PRKG1: variants seen among roughly 807,000 people sequenced by gnomAD.
The protein encoded by PRKG1 is protein kinase cGMP-dependent 1.
Under a neutral mutation model 88.1 loss-of-function variants are expected in PRKG1, and 35 were observed. The ratio of observed to expected loss-of-function variants is 0.40; its 90% CI spans 0.30 to 0.53. The LOEUF is 0.53. Among genes scored for constraint, PRKG1 ranks in the 20% least tolerant of loss-of-function variants. PRKG1 has a pLI of 0.59. For synonymous variants in PRKG1, 303 were observed against 292.5 expected (o/e 1.04, Z -0.37); for missense variants, 540 against 839.8 (o/e 0.64, Z 4.41).
intron 3 of PRKG1, among the ~76,000 whole-genome samples, chr10:51,653,419 A>G (rs1244163286): frequency 1.3e-5 from 2 of 152,150 alleles, no homozygotes; most frequent in African/African-American, 4.8e-5. Flanking sequence ...GTGGGAGGTA[A>G]TATCACATTG....
intron 5 of PRKG1, among the ~76,000 whole-genome samples, chr10:51,970,485 A>T (rs1159601878): frequency 6.6e-6 from 1 of 151,452 alleles, no homozygotes; most frequent in Non-Finnish European, 1.5e-5. Context: ...TTGTTTTATA[A>T]GAAATTTCGA....
chr10:51,447,567 C>T (rs755352213), intron 2 of PRKG1, among the ~76,000 whole-genome samples: 6 of 152,036 alleles, frequency 3.9e-5, no homozygotes, highest in African/African-American at 7.2e-5. Flanking sequence ...CATCCTATTT[C>T]CTTAACTTTA....
chr10:51,751,340 C>T (rs577442311), intron 3 of PRKG1, among the ~76,000 whole-genome samples: 5 of 152,214 alleles, frequency 3.3e-5, no homozygotes, highest in South Asian at 2.1e-4. Context: ...CAGGTTCAAG[C>T]GATTATCATG....
Position 51,154,005 on chromosome 10 carries a change from T to C in PRKG1, c.478+675T>C, listed in dbSNP as rs575780143. On this transcript the variant is annotated intron_variant, in intron 2 of 17. Transcript: ENST00000373980. ...TTTCTTTTGTGGGAAGAAAGTAGCT[T>C]GAGATAATGACTGAATCAGCTTGGA... 3.9e-5 allele frequency among the ~76,000 whole-genome samples: 6 copies of C among 152,124 alleles called. No individual in the cohort carries two copies. In the East Asian group the frequency reaches 1.2e-3, roughly 29 times the overall value.
intron 3 of PRKG1, among the ~76,000 whole-genome samples, chr10:51,534,694 AG>A (rs1564538678): frequency 6.6e-6 from 1 of 151,704 alleles, no homozygotes; most frequent in Non-Finnish European, 1.5e-5. Context: ...AAAGAAAGAA[AG>A]GCAGTTCTGC....
At chr10:52,156,850 A>AT (rs1338035004) in intron 8 of PRKG1, among the ~76,000 whole-genome samples, 3 of 151,708 alleles carry the variant, frequency 2.0e-5, no homozygotes, top group Admixed American at 6.6e-5. Flanking sequence ...TTAAATAAAT[A>AT]TTTTTTTAAA....
chr10:51,608,924 C>T (rs1247438131), intron 3 of PRKG1, among the ~76,000 whole-genome samples: 1 of 151,878 alleles, frequency 6.6e-6, no homozygotes. Context: ...TAAGAAAAAG[C>T]TTATGGAATA....
chr10:51,870,084 TA>T (rs994791543), intron 4 of PRKG1, among the ~76,000 whole-genome samples: 30 of 152,148 alleles, frequency 2.0e-4, no homozygotes, highest in Admixed American at 8.5e-4. Flanking sequence ...TTTCCAAGTT[TA>T]AAAAAAAGTC....
chr10:51,792,483 A>G (rs1382714918), intron 3 of PRKG1, among the ~76,000 whole-genome samples: 3 of 152,086 alleles, frequency 2.0e-5, no homozygotes, highest in Non-Finnish European at 4.4e-5. Flanking sequence ...CTGAGTTTCC[A>G]TAGATTTTCA....
chr10:51,294,411 T>C (rs1473592795), intron 2 of PRKG1, among the ~76,000 whole-genome samples: 2 of 152,194 alleles, frequency 1.3e-5, no homozygotes, highest in Admixed American at 6.5e-5. Flanking sequence ...TAAGTTGAGT[T>C]CAATTTCATT....
intron 3 of PRKG1, among the ~76,000 whole-genome samples, chr10:51,718,880 C>T (rs931412124): frequency 3.3e-5 from 5 of 151,086 alleles, no homozygotes; most frequent in South Asian, 2.1e-4. Flanking sequence ...GGTGTGGTGG[C>T]TCATGCCTGT....
chr10:52,256,747 G>T (rs1228317623), intron 10 of PRKG1, among the ~76,000 whole-genome samples: 1 of 139,688 alleles, frequency 7.2e-6, no homozygotes, highest in African/African-American at 2.5e-5. Flanking sequence ...AGGCCTGAGA[G>T]TGCAACCATT....
chr10:51,581,398 T>C (rs1838030858), intron 3 of PRKG1, among the ~76,000 whole-genome samples: 1 of 152,078 alleles, frequency 6.6e-6, no homozygotes, highest in Non-Finnish European at 1.5e-5. Flanking sequence ...GAAGGGAGTA[T>C]GCCCTAACCC....
At chr10:51,036,541 G>A (rs1745087751) in intron 1 of PRKG1, among the ~76,000 whole-genome samples, 3 of 151,932 alleles carry the variant, frequency 2.0e-5, no homozygotes, top group Non-Finnish European at 1.5e-5. Context: ...ATCTGGGAAG[G>A]GGAGTGAAAA....
intron 8 of PRKG1, among the ~76,000 whole-genome samples, chr10:52,139,225 G>T (rs1203333942): frequency 6.6e-6 from 1 of 152,116 alleles, no homozygotes; most frequent in East Asian, 1.9e-4. Context: ...TTTGAAAACT[G>T]AATATATGTA....
chr10:51,435,290 A>G (rs1238352456), intron 2 of PRKG1, among the ~76,000 whole-genome samples: 1 of 151,982 alleles, frequency 6.6e-6, no homozygotes, highest in Non-Finnish European at 1.5e-5. Flanking sequence ...CTTTATAAGT[A>G]GTGTTTCATG....
chr10:51,635,094 A>G (rs1296404225), intron 3 of PRKG1, among the ~76,000 whole-genome samples: 1 of 152,108 alleles, frequency 6.6e-6, no homozygotes, highest in Non-Finnish European at 1.5e-5. Flanking sequence ...AACTGAAATA[A>G]ATGTTAAGAA....
intron 2 of PRKG1, among the ~76,000 whole-genome samples, chr10:51,337,704 C>T (rs975818332): frequency 6.6e-6 from 1 of 152,098 alleles, no homozygotes; most frequent in Non-Finnish European, 1.5e-5. Flanking sequence ...GATGAGATAC[C>T]GTCTCATGCT....
At chr10:51,429,392 C>T (rs1838693100) in intron 2 of PRKG1, among the ~76,000 whole-genome samples, 1 of 152,100 alleles carries the variant, frequency 6.6e-6, no homozygotes, top group Non-Finnish European at 1.5e-5. Context: ...ACTTGCTGTA[C>T]TATATTACCT....
Sources: gnomAD v4.1 joint callset for allele counts (sites outside exome capture counted in the v4.1 genomes callset) on GRCh38, gnomAD v4.1.1 for gene constraint, MANE v1.5 for transcripts, NCBI Gene and HGNC (gene_info 2026-07-23, HGNC 2026-07-21) for gene names.